The following PCSK5 variants were observed in gnomAD, a reference collection of about 807,000 sequenced individuals.
The protein encoded by PCSK5 is prohormone convertase 5.
A neutral mutation model predicts 233.2 loss-of-function variants in PCSK5; 129 were observed. The observed-to-expected ratio is 0.55, with a 90% CI of 0.48 to 0.64. PCSK5 has a LOEUF of 0.64. Among genes scored for constraint, PCSK5 ranks in the 30% least tolerant of loss-of-function variants. The pLI, the probability that PCSK5 is intolerant of heterozygous loss-of-function variation, is 0.00. For synonymous variants in PCSK5, 825 were observed against 879.2 expected (o/e 0.94, Z 1.09); for missense variants, 2,076 against 2,430.1 (o/e 0.85, Z 3.06).
At chr9:76,071,939 G>C in intron 7 of PCSK5, 41 bp downstream of exon 7, 1 of 1,550,266 alleles carries the variant, frequency 6.5e-7, no homozygotes, top group Non-Finnish European at 8.8e-7. Flanking sequence ...GTGTGGATGG[G>C]TGATGATTCT....
At chr9:76,307,765 A>G (rs184989436) in intron 28 of PCSK5, among the ~76,000 whole-genome samples, 58 of 152,212 alleles carry the variant, frequency 3.8e-4, no homozygotes, top group Non-Finnish European at 4.4e-4. Context: ...CACAGTAGCT[A>G]CTCTAAAGAA....
chr9:76,325,103 G>A (rs979416742), intron 32 of PCSK5, among the ~76,000 whole-genome samples: 1 of 152,126 alleles, frequency 6.6e-6, no homozygotes, highest in African/African-American at 2.4e-5. Flanking sequence ...CTGCCCATAT[G>A]TGAAAAGGCG....
intron 1 of PCSK5, among the ~76,000 whole-genome samples, chr9:75,913,463 TG>T (rs991104862): frequency 6.6e-6 from 1 of 152,194 alleles, no homozygotes; most frequent in Non-Finnish European, 1.5e-5. Context: ...TAATTGATTC[TG>T]TAGAGGCCCC....
intron 8 of PCSK5, among the ~76,000 whole-genome samples, chr9:76,101,904 T>G (rs1177504667): frequency 6.6e-6 from 1 of 152,216 alleles, no homozygotes; most frequent in Admixed American, 6.5e-5. Context: ...TTGCACTAGG[T>G]TATTCTCTGT....
At chr9:75,987,253 C>T (rs1826555996) in intron 3 of PCSK5, among the ~76,000 whole-genome samples, 2 of 152,178 alleles carry the variant, frequency 1.3e-5, no homozygotes, top group African/African-American at 4.8e-5. Context: ...TCAGAACCCA[C>T]ACCTGAGGCT....
At chr9:75,958,223 A>G (rs11144698) in intron 2 of PCSK5, among the ~76,000 whole-genome samples, 47,366 of 151,966 alleles carry the variant, frequency 0.31, 7,536 homozygotes, top group East Asian at 0.34. Context: ...AAACCTACTT[A>G]GCTTTAAATG....
chr9:76,309,275 T>G (rs1828793369), intron 29 of PCSK5, among the ~76,000 whole-genome samples: 1 of 152,078 alleles, frequency 6.6e-6, no homozygotes, highest in African/African-American at 2.4e-5. Flanking sequence ...GAGGAAGGAA[T>G]AAGAGCAGCA....
chr9:76,067,530 TACC>T (rs1356794403), intron 5 of PCSK5, among the ~76,000 whole-genome samples: 1 of 152,216 alleles, frequency 6.6e-6, no homozygotes, highest in Admixed American at 6.5e-5. Flanking sequence ...CAGATTCTCA[TACC>T]CATCTTAAGT....
At chr9:76,090,011 A>G (rs945822242) in intron 7 of PCSK5, among the ~76,000 whole-genome samples, 1 of 152,344 alleles carries the variant, frequency 6.6e-6, no homozygotes, top group South Asian at 2.1e-4. Context: ...TCCTGCATGG[A>G]TTCCACAATA....
intron 5 of PCSK5, among the ~76,000 whole-genome samples, chr9:76,059,581 G>A (rs1046376007): frequency 6.6e-5 from 10 of 152,030 alleles, no homozygotes; most frequent in Non-Finnish European, 1.0e-4. Flanking sequence ...CATATGGCTG[G>A]CCAGTTTTCC....
At chr9:76,292,842 C>T (rs2260609) in intron 25 of PCSK5, among the ~76,000 whole-genome samples, 79,802 of 152,030 alleles carry the variant, frequency 0.52, 21,359 homozygotes, top group Middle Eastern at 0.6. Flanking sequence ...CACTGTTGAC[C>T]GTCCTAGAAG....
chr9:76,042,376 C>T (rs970824926), intron 5 of PCSK5, among the ~76,000 whole-genome samples: 3 of 152,180 alleles, frequency 2.0e-5, no homozygotes, highest in Non-Finnish European at 4.4e-5. Flanking sequence ...GGCCAGGCAC[C>T]ATGGTGGCTC....
chr9:76,019,257 ATTC>A (rs1828079140), intron 3 of PCSK5, among the ~76,000 whole-genome samples: 1 of 81,112 alleles, frequency 1.2e-5, no homozygotes, highest in African/African-American at 6.6e-5. Context: ...AGGAATATCA[ATTC>A]TTTTTTTTTT....
At chr9:76,239,950 G>T (rs1228887566) in intron 23 of PCSK5, among the ~76,000 whole-genome samples, 1 of 152,160 alleles carries the variant, frequency 6.6e-6, no homozygotes, top group African/African-American at 2.4e-5. Flanking sequence ...TGAGAAGCCA[G>T]TGAGGACCAG....
intron 5 of PCSK5, among the ~76,000 whole-genome samples, chr9:76,059,139 G>C (rs1029235307): frequency 6.6e-6 from 1 of 152,252 alleles, no homozygotes; most frequent in Non-Finnish European, 1.5e-5. Flanking sequence ...GAGAGAGAAG[G>C]TTATGGGAGT....
Position 76,295,977 on chromosome 9 carries a change from G to T in PCSK5, c.3322+566G>T, listed in dbSNP as rs80244093. Among the ~76,000 whole-genome samples the T allele has an allele frequency of 3.3e-4, 51 of 152,324 alleles. No individual in the cohort carries two copies. In the East Asian group the frequency reaches 8.9e-3, roughly 27 times the overall value. On this transcript the variant is annotated intron_variant, in intron 26 of 37. Coordinates refer to ENST00000674117, the MANE Select transcript of PCSK5 (RefSeq NM_001372043.1). ...GATCTTCAGTGTTTCTCTACACAGA[G>T]ATTTATTTTATTTGTAATTTTTCAA...
At chr9:76,164,929 A>C (rs1364638649) in intron 12 of PCSK5, among the ~76,000 whole-genome samples, 1 of 148,866 alleles carries the variant, frequency 6.7e-6, no homozygotes, top group South Asian at 2.1e-4. Context: ...GCATATTGGA[A>C]GGTTTTTTAC....
intron 7 of PCSK5, among the ~76,000 whole-genome samples, chr9:76,080,434 A>G (rs1830793963): frequency 6.6e-6 from 1 of 152,208 alleles, no homozygotes; most frequent in African/African-American, 2.4e-5. Context: ...AGTACCCACA[A>G]TAGTATCTGG....
Position 76,071,773 on chromosome 9 carries a change from T to A in PCSK5, c.769T>A (p.Ser257Thr). ...TGTCACGGACATGGTTGAAGCAAAATCAGTTAGCTTCAACCCCCAGCACGT... is the reference window on the plus strand; with the variant it reads ...TGTCACGGACATGGTTGAAGCAAAAACAGTTAGCTTCAACCCCCAGCACGT... ...GDVTDMVEAKSVSFNPQHVHI... is the reference protein window; with the variant it reads ...GDVTDMVEAKTVSFNPQHVHI... Residue 257 changes from serine to threonine, a missense_variant, in exon 7 of 38, where the codon TCA becomes ACA. Coordinates refer to ENST00000674117, the MANE Select transcript of PCSK5 (RefSeq NM_001372043.1). 1 of 1,613,996 alleles carries A rather than the reference T, an allele frequency of 6.2e-7. No individual in the cohort carries two copies. The highest frequency in any genetic ancestry group is 8.5e-7 in the Non-Finnish European group (1 of 1,179,978).
Sources: allele counts gnomAD v4.1 joint callset (sites outside exome capture counted in the v4.1 genomes callset), GRCh38; gene constraint gnomAD v4.1.1; transcripts MANE v1.5; gene names NCBI Gene and HGNC (gene_info 2026-07-23, HGNC 2026-07-21).